Variants in SRPRA observed in about 807,000 individuals in gnomAD.
The protein encoded by SRPRA is SRP receptor subunit alpha, also known as signal recognition particle receptor subunit alpha.
Under a neutral mutation model 61.1 loss-of-function variants are expected in SRPRA, and 30 were observed. The observed-to-expected ratio is 0.49, with a 90% CI of 0.37 to 0.67. SRPRA has a LOEUF of 0.67. Among genes scored for constraint, SRPRA ranks in the 30% least tolerant of loss-of-function variants. SRPRA has a pLI of 0.00. For synonymous variants in SRPRA, 324 were observed against 299.7 expected (o/e 1.08, Z -0.84); for missense variants, 759 against 828.4 (o/e 0.92, Z 1.03).
At chr11:126,255,605 A>G in the SRPRA span, among the ~76,000 whole-genome samples, 1 of 152,208 alleles carries the variant, frequency 6.6e-6, no homozygotes, top group Non-Finnish European at 1.5e-5. This position sits in a 1 kb window ranked among gnomAD's most constrained non-coding sequence, Gnocchi z 4.6. Context: ...ACAAAGGCAA[A>G]TATGGTCCAG....
downstream of SRPRA, chr11:126,262,222 A>C (rs1390255596): frequency 2.1e-6 from 3 of 1,423,024 alleles, no homozygotes; most frequent in Non-Finnish European, 2.0e-6. Context: ...AGAACCCAAC[A>C]CAATTCCCAG....
At chr11:126,238,620 A>G in the SRPRA span, among the ~76,000 whole-genome samples, 30 of 152,302 alleles carry the variant, frequency 2.0e-4, no homozygotes, top group African/African-American at 7.0e-4. Context: ...AGCTGTGTGC[A>G]GTGTTCTCAG....
chr11:126,264,096 CCT>C lies in SRPRA; in HGVS notation c.1789-54_1789-53del. ...CAACACAAGCCCACTTTTCACTCAC[CCT>C]CTCAGGAACAGGAAGCGCTGGAGCC... On this transcript the variant is annotated intron_variant, in intron 13 of 13. Transcript: ENST00000332118. The surrounding 1 kb of genome is among the most constrained non-coding windows in gnomAD (Gnocchi z 5.0). 2.5e-6 allele frequency: 4 copies of C among 1,613,388 alleles called. No individual in the cohort carries two copies. Among genetic ancestry groups the C allele is most frequent in the Non-Finnish European group, 3.4e-6 (4 of 1,179,588 alleles).
At chr11:126,250,286 T>C in the SRPRA span, among the ~76,000 whole-genome samples, 2 of 151,858 alleles carry the variant, frequency 1.3e-5, no homozygotes, top group African/African-American at 4.8e-5. This position sits in a 1 kb window ranked among gnomAD's most constrained non-coding sequence, Gnocchi z 5.1. Flanking sequence ...AGAGACGGGG[T>C]TTCACCGTGT....
the SRPRA span, among the ~76,000 whole-genome samples, chr11:126,246,587 G>A: frequency 3.0e-4 from 45 of 152,230 alleles, no homozygotes; most frequent in Middle Eastern, 0.01. Flanking sequence ...GGCGGGAGGC[G>A]GTGGGGGAAC....
chr11:126,252,701 C>T, the SRPRA span, among the ~76,000 whole-genome samples: 2 of 151,986 alleles, frequency 1.3e-5, no homozygotes, highest in East Asian at 1.9e-4. This position sits in a 1 kb window ranked among gnomAD's most constrained non-coding sequence, Gnocchi z 4.7. Flanking sequence ...TGTGATCACA[C>T]TGTTGCACTC....
chr11:126,250,300 C>T, the SRPRA span, among the ~76,000 whole-genome samples: 1 of 152,062 alleles, frequency 6.6e-6, no homozygotes, highest in Non-Finnish European at 1.5e-5. This position sits in a 1 kb window ranked among gnomAD's most constrained non-coding sequence, Gnocchi z 5.1. Flanking sequence ...ACCGTGTTAG[C>T]CAGGATGGTC....
At chr11:126,254,482 C>G in the SRPRA span, 2 of 1,607,118 alleles carry the variant, frequency 1.2e-6, no homozygotes, top group Non-Finnish European at 1.7e-6. Context: ...CCTGGGAAAT[C>G]TCTCTAAATA....
At chr11:126,261,410 A>T, downstream of SRPRA, 1 of 1,612,474 alleles carries the variant, frequency 6.2e-7, no homozygotes, top group Non-Finnish European at 8.5e-7. Flanking sequence ...TCTGATGCTG[A>T]TGTCCTCTAT....
chr11:126,245,490 T>C, the SRPRA span, among the ~76,000 whole-genome samples: 2 of 151,994 alleles, frequency 1.3e-5, no homozygotes. Context: ...AAATTGGACA[T>C]GATGAGACTT....
rs1950826020 is a variant in SRPRA, at chr11:126,267,125, C to T, written c.526+50G>A. ...GGAAGGACCACCTCAGTCCTTAGCA[C>T]CGTGTTAACACCTTTCATGTCCCAG... On this transcript the variant is annotated intron_variant, in intron 4 of 13. Coordinates refer to ENST00000332118, the MANE Select transcript of SRPRA (RefSeq NM_003139.4). The surrounding 1 kb of genome is among the most constrained non-coding windows in gnomAD (Gnocchi z 4.2). 1 of 1,608,294 alleles carries T rather than the reference C, an allele frequency of 6.2e-7. No individual in the cohort carries two copies. Among genetic ancestry groups the T allele is most frequent in the Non-Finnish European group, 8.5e-7 (1 of 1,177,172 alleles).
In SRPRA at chr11:126,265,863, A is replaced by G. The variant is rs1468501640; in HGVS notation, c.1052-40T>C. The G allele has an allele frequency of 6.2e-7, 1 of 1,613,398 alleles. No individual in the cohort carries two copies. The highest frequency in any genetic ancestry group is 1.3e-5 in the African/African-American group (1 of 74,934). On this transcript the variant is annotated intron_variant, in intron 8 of 13. Coordinates refer to ENST00000332118, the MANE Select transcript of SRPRA (RefSeq NM_003139.4). This position sits in a 1 kb window ranked among gnomAD's most constrained non-coding sequence, Gnocchi z 6.3. ...ACAGGTATGTCAGTTCCATGTCAGC[A>G]ATGACCAATCTTTATGGTACAGGTG...
chr11:126,241,554 A>G, the SRPRA span, among the ~76,000 whole-genome samples: 1 of 151,608 alleles, frequency 6.6e-6, no homozygotes, highest in African/African-American at 2.4e-5. Context: ...TTATTTATTT[A>G]TTTATTTATT....
chr11:126,237,654 G>C, the SRPRA span, among the ~76,000 whole-genome samples: 1 of 132,700 alleles, frequency 7.5e-6, no homozygotes, highest in Non-Finnish European at 1.6e-5. Context: ...GGGTACCTGG[G>C]TAACATAGTG....
chr11:126,250,432 T>G, the SRPRA span: 1 of 989,624 alleles, frequency 1.0e-6, no homozygotes. This position sits in a 1 kb window ranked among gnomAD's most constrained non-coding sequence, Gnocchi z 5.1. Context: ...CCAAAATTTG[T>G]TACTGCTGTA....
downstream of SRPRA, chr11:126,260,396 A>G (rs1019339580): frequency 3.2e-4 from 47 of 145,034 alleles, no homozygotes; most frequent in African/African-American, 1.1e-3. Flanking sequence ...AAATATAGTG[A>G]TTTTTTTTTT....
At chr11:126,246,184 G>C in the SRPRA span, among the ~76,000 whole-genome samples, 1 of 152,072 alleles carries the variant, frequency 6.6e-6, no homozygotes, top group Non-Finnish European at 1.5e-5. Context: ...TTTTAGGTGA[G>C]ATAGAAGTAT....
chr11:126,237,834 C>G, the SRPRA span, among the ~76,000 whole-genome samples: 1 of 98,992 alleles, frequency 1.0e-5, no homozygotes, highest in Admixed American at 1.3e-4. Flanking sequence ...TCCAGCCTGG[C>G]AACAAAGCTA....
At chr11:126,268,553 G>A (rs1353739327) in intron 1 of SRPRA, 135 bp downstream of exon 1, 1 of 713,668 alleles carries the variant, frequency 1.4e-6, no homozygotes, top group Non-Finnish European at 2.4e-6. Context: ...AAACGAAGCG[G>A]AGTCCGGGTT....
Sources: gnomAD v4.1 joint callset for allele counts (sites outside exome capture counted in the v4.1 genomes callset) on GRCh38, gnomAD v4.1.1 for gene constraint, Gnocchi (gnomAD v3.1) non-coding constraint, MANE v1.5 for transcripts, NCBI Gene and HGNC (gene_info 2026-07-23, HGNC 2026-07-21) for gene names.